HEPHL1: variants seen among roughly 807,000 people sequenced by gnomAD.
HEPHL1 encodes hephaestin like 1.
HEPHL1 carries 123 observed loss-of-function variants against 122.0 expected under a neutral mutation model. That is an observed-to-expected ratio of 1.01 (90% CI 0.87 to 1.17). The LOEUF is 1.17. Among genes scored for constraint, HEPHL1 ranks in the 50% most tolerant of loss-of-function variants. The pLI is 0.00. For missense variants in HEPHL1, 1,452 were observed against 1,430.5 expected (o/e 1.01, Z -0.24); for synonymous variants, 527 against 508.9 (o/e 1.04, Z -0.48).
intron 14 of HEPHL1, among the ~76,000 whole-genome samples, chr11:94,101,667 G>A (rs1351361489): frequency 2.0e-5 from 3 of 152,138 alleles, no homozygotes; most frequent in Non-Finnish European, 2.9e-5. Context: ...TACTCTAAGG[G>A]TTTTGACAAA....
chr11:94,036,793 C>A (rs1361093890), intron 1 of HEPHL1, among the ~76,000 whole-genome samples: 1 of 142,980 alleles, frequency 7.0e-6, no homozygotes, highest in Non-Finnish European at 1.5e-5. Flanking sequence ...GAGCCTAGAT[C>A]GTGCCATTGC....
chr11:94,050,527 A>G (rs1945880680), intron 2 of HEPHL1, among the ~76,000 whole-genome samples: 1 of 151,392 alleles, frequency 6.6e-6, no homozygotes, highest in Non-Finnish European at 1.5e-5. Context: ...TTTAATTTTG[A>G]ATTTTTGTGG....
chr11:94,082,665 T>C, intron 10 of HEPHL1, 97 bp downstream of exon 10: 8 of 1,186,272 alleles, frequency 6.7e-6, no homozygotes, highest in Non-Finnish European at 9.3e-6. Flanking sequence ...TTTGGTTTCT[T>C]GGATATTGTT....
Position 94,086,207 on chromosome 11 carries a change from A to G in HEPHL1, c.2080+18A>G, listed in dbSNP as rs750542297. 5 of 1,578,262 alleles carry G rather than the reference A, an allele frequency of 3.2e-6. No individual in the cohort carries two copies. Among genetic ancestry groups the G allele is most frequent in the Non-Finnish European group, 2.6e-6 (3 of 1,157,442 alleles). ...CCATGCAGGTAAACTTGCTGGGTCC[A>G]TCTCAGGTGACCAGATTTCTACCTT... On this transcript the variant is annotated intron_variant, in intron 11 of 19. Transcript: ENST00000315765.
intron 17 of HEPHL1, among the ~76,000 whole-genome samples, chr11:94,106,757 C>A (rs1946412688): frequency 6.6e-6 from 1 of 152,150 alleles, no homozygotes; most frequent in Non-Finnish European, 1.5e-5. Context: ...GCATTCGTCC[C>A]TTTTCCTCAC....
Position 94,039,579 on chromosome 11 carries a change from G to A in HEPHL1, c.171-6094G>A, listed in dbSNP as rs1055846759. ...AGGATTAAGAATCTCACTCAAAGCC[G>A]CTCAACTACATGGAAACTGAACAAC... On this transcript the variant is annotated intron_variant, in intron 1 of 19. Coordinates refer to ENST00000315765, the MANE Select transcript of HEPHL1 (RefSeq NM_001098672.2). Among the ~76,000 whole-genome samples the A allele has an allele frequency of 1.0e-3, 155 of 151,688 alleles. 1 individual carries two copies. Among genetic ancestry groups the A allele is most frequent in the African/African-American group, 3.5e-3 (144 of 41,220 alleles).
rs182303819 is a variant in HEPHL1, at chr11:94,092,879, T to C, written c.2295-622T>C. 1.8e-4 allele frequency among the ~76,000 whole-genome samples: 27 copies of C among 152,292 alleles called. No homozygotes were observed. The East Asian group carries it at 5.2e-3, about 29-fold the overall frequency. On this transcript the variant is annotated intron_variant, in intron 12 of 19. Coordinates refer to ENST00000315765, the MANE Select transcript of HEPHL1 (RefSeq NM_001098672.2). ...AACCCTATATTTTCCCTAGGAACAATGGTTCAGTCTTTATTAGTCCAGTTA... is the reference window on the plus strand; with the variant it reads ...AACCCTATATTTTCCCTAGGAACAACGGTTCAGTCTTTATTAGTCCAGTTA...
At chr11:94,041,071 G>C (rs1333906960) in intron 1 of HEPHL1, among the ~76,000 whole-genome samples, 20 of 136,234 alleles carry the variant, frequency 1.5e-4, no homozygotes, top group Admixed American at 5.9e-4. Flanking sequence ...CATTCTTATA[G>C]ACCAACAACA....
intron 1 of HEPHL1, among the ~76,000 whole-genome samples, chr11:94,035,876 A>C (rs1945716787): frequency 6.6e-6 from 1 of 152,164 alleles, no homozygotes; most frequent in Non-Finnish European, 1.5e-5. Context: ...AGCTGGGACT[A>C]CAGGCGCCCG....
At chr11:94,105,954 A>C (rs1946404684) in intron 16 of HEPHL1, 37 bp from the exon 17 acceptor site, 9 of 1,448,846 alleles carry the variant, frequency 6.2e-6, no homozygotes, top group Non-Finnish European at 8.4e-6. Context: ...CTTATCTTTT[A>C]ACTAACCAAA....
chr11:94,113,504 A>G lies in HEPHL1; in HGVS notation c.*1610A>G, dbSNP rs1946468285. On this transcript the variant is annotated 3_prime_UTR_variant, in exon 20 of 20. Transcript: ENST00000315765. ...AATGTCATATCAAACAGCATACACAAAAGATTTTGAATTTCAATCTGCTAA... is the reference window on the plus strand; with the variant it reads ...AATGTCATATCAAACAGCATACACAGAAGATTTTGAATTTCAATCTGCTAA... 1 of 152,240 alleles carries G rather than the reference A, an allele frequency of 6.6e-6. No individual in the cohort carries two copies. The highest frequency in any genetic ancestry group is 1.5e-5 in the Non-Finnish European group (1 of 68,042). 9.4% of individuals were successfully genotyped at this position (152,240 alleles called of 1,614,324 possible).
chr11:94,038,161 G>C (rs1945742932), intron 1 of HEPHL1, among the ~76,000 whole-genome samples: 1 of 150,856 alleles, frequency 6.6e-6, no homozygotes, highest in African/African-American at 2.4e-5. Flanking sequence ...GAGAAGGGAA[G>C]TTTAGAGAAA....
At chr11:94,054,142 C>T (rs758764107) in intron 2 of HEPHL1, among the ~76,000 whole-genome samples, 5 of 152,106 alleles carry the variant, frequency 3.3e-5, no homozygotes, top group Non-Finnish European at 7.4e-5. Context: ...TTATACAGAT[C>T]TATTTTCAAA....
intron 2 of HEPHL1, among the ~76,000 whole-genome samples, chr11:94,049,439 G>T (rs1030810887): frequency 6.6e-6 from 1 of 151,920 alleles, no homozygotes; most frequent in Admixed American, 6.6e-5. Context: ...ACAGTATGGA[G>T]ATTCTTCAAA....
chr11:94,103,075 A>G lies in HEPHL1; in HGVS notation c.2682+55A>G. ...AAAATAATTTGGATGAAAGTTGACT[A>G]CTTGGGTCATCACAATTTGGGTTGG... On this transcript the variant is annotated intron_variant, in intron 15 of 19. Coordinates refer to ENST00000315765, the MANE Select transcript of HEPHL1 (RefSeq NM_001098672.2). 8.0e-6 allele frequency: 8 copies of G among 1,000,256 alleles called. No individual in the cohort carries two copies. The South Asian group carries it at 1.0e-4, about 13-fold the overall frequency. The allele number at this position is 1,000,256 out of a possible 1,614,324, so 62.0% of individuals were successfully genotyped here. A position where few individuals can be genotyped will look rare whatever the true frequency, so the allele number is the denominator to read the frequency against.
At chr11:94,030,614 C>T (rs1164719849) in intron 1 of HEPHL1, among the ~76,000 whole-genome samples, 1 of 152,152 alleles carries the variant, frequency 6.6e-6, no homozygotes, top group Non-Finnish European at 1.5e-5. Flanking sequence ...CCAGCTACAC[C>T]TGGAGAAGTA....
chr11:94,080,201 T>C lies in HEPHL1; in HGVS notation c.1717-2217T>C, dbSNP rs143275449. ...ACAAAAACAAACAGTGGGGAAAGGA[T>C]TCCCTATTTAATAAGTGATGCTGGG... On this transcript the variant is annotated intron_variant, in intron 9 of 19. Coordinates refer to ENST00000315765, the MANE Select transcript of HEPHL1 (RefSeq NM_001098672.2). Among the ~76,000 whole-genome samples, 1,150 of 152,306 alleles carry C rather than the reference T, an allele frequency of 7.6e-3. 17 individuals carry two copies. Among genetic ancestry groups the C allele is most frequent in the African/African-American group, 0.027 (1,110 of 41,562 alleles).
intron 1 of HEPHL1, among the ~76,000 whole-genome samples, chr11:94,039,537 C>T (rs1421227467): frequency 6.6e-6 from 1 of 151,322 alleles, no homozygotes; most frequent in Non-Finnish European, 1.5e-5. Context: ...GACCACAGTG[C>T]AATCAAACTA....
intron 13 of HEPHL1, among the ~76,000 whole-genome samples, chr11:94,099,091 G>A (rs1208254500): frequency 6.6e-6 from 1 of 152,180 alleles, no homozygotes; most frequent in Non-Finnish European, 1.5e-5. Context: ...GAGGCACTCT[G>A]ATTTTTAGAA....
Sources: allele counts gnomAD v4.1 joint callset (sites outside exome capture counted in the v4.1 genomes callset), GRCh38; gene constraint gnomAD v4.1.1; transcripts MANE v1.5; gene names NCBI Gene and HGNC (gene_info 2026-07-23, HGNC 2026-07-21).